The following WDR49 variants were observed in gnomAD, a reference collection of about 807,000 sequenced individuals.
The protein encoded by WDR49 is WD repeat domain 49.
Under a neutral mutation model 119.5 loss-of-function variants are expected in WDR49, and 107 were observed. That is an observed-to-expected ratio of 0.90 (90% CI 0.77 to 1.05). The LOEUF (loss-of-function observed/expected upper bound fraction) is 1.05, where lower values mean the gene tolerates loss of function less well. Among genes scored for constraint, WDR49 ranks in the 50% least tolerant of loss-of-function variants. The probability of loss-of-function intolerance (pLI) is 0.00; values close to 1 mark genes in which losing one functional copy is unlikely to be tolerated. For missense variants in WDR49, 1,240 were observed against 1,220.5 expected (o/e 1.02, Z -0.24); for synonymous variants, 425 against 418.8 (o/e 1.01, Z -0.18).
chr3:167,521,717 A>G (rs1752440352), intron 16 of WDR49, among the ~76,000 whole-genome samples: 1 of 152,176 alleles, frequency 6.6e-6, no homozygotes, highest in Non-Finnish European at 1.5e-5. Flanking sequence ...AAGTTAAGTT[A>G]TGAGAGCATG....
upstream of WDR49, among the ~76,000 whole-genome samples, chr3:167,654,963 A>G (rs886991857): frequency 6.6e-6 from 1 of 152,148 alleles, no homozygotes; most frequent in African/African-American, 2.4e-5. Context: ...CATACGGAAG[A>G]GAACAGAATG....
chr3:167,614,119 G>C (rs1410392916), intron 5 of WDR49, among the ~76,000 whole-genome samples: 1 of 152,036 alleles, frequency 6.6e-6, no homozygotes, highest in Non-Finnish European at 1.5e-5. Context: ...TCCCGCGATG[G>C]AGTCTCGCTC....
chr3:167,602,383 C>CCTACAGTTGACAT, intron 6 of WDR49, 108 bp from the exon 7 acceptor site: 3 of 1,024,180 alleles, frequency 2.9e-6, no homozygotes, highest in Non-Finnish European at 4.1e-6. Flanking sequence ...TGAATGTCAA[C>CCTACAGTTGACAT]TGTAGGTTGA....
chr3:167,588,555 A>C (rs147022332), intron 7 of WDR49, among the ~76,000 whole-genome samples: 2 of 152,162 alleles, frequency 1.3e-5, no homozygotes, highest in Non-Finnish European at 1.5e-5. Flanking sequence ...CCAACAATGC[A>C]TGAGAATACC....
Position 167,653,329 on chromosome 3 carries a change from A to G in WDR49, c.97T>C (p.Tyr33His). The G allele has an allele frequency of 6.5e-7, 1 of 1,536,188 alleles. No individual in the cohort carries two copies. Among genetic ancestry groups the G allele is most frequent in the Non-Finnish European group, 8.7e-7 (1 of 1,146,906 alleles). ...TGGTTTTCAAGCAGGCCTGTGCCAT[A>G]GTCTTCAAATGCAGTTACACCTTCT... ...RTEGVTAFED[Y>H]GTGLLENQLS... Residue 33 changes from tyrosine to histidine, a missense_variant, in exon 2 of 19, where the codon TAT (tyrosine) becomes CAT (histidine). Tyr to His is a moderately conservative substitution (Grantham distance 83, BLOSUM62 2). Coordinates refer to ENST00000682715, the MANE Select transcript of WDR49 (RefSeq NM_001366157.1).
chr3:167,620,715 T>A, intron 4 of WDR49, 112 bp from the exon 5 acceptor site: 1 of 1,061,652 alleles, frequency 9.4e-7, no homozygotes, highest in East Asian at 2.7e-5. Context: ...AAGAATTTCT[T>A]CAATATTATT....
chr3:167,521,777 G>A (rs1387602961), intron 16 of WDR49, among the ~76,000 whole-genome samples: 1 of 152,142 alleles, frequency 6.6e-6, no homozygotes, highest in Non-Finnish European at 1.5e-5. Flanking sequence ...TAACATGAGA[G>A]CATAAATGAA....
chr3:167,609,943 C>G (rs371541239), intron 5 of WDR49, among the ~76,000 whole-genome samples: 13 of 152,128 alleles, frequency 8.5e-5, no homozygotes, highest in African/African-American at 3.1e-4. Context: ...CAACCTGGGC[C>G]GGAAGGGAAC....
chr3:167,574,948 A>G (rs114209832), intron 8 of WDR49, among the ~76,000 whole-genome samples: 4,386 of 152,314 alleles, frequency 0.029, 120 homozygotes, highest in Admixed American at 0.065. Context: ...ATCTCCTAGA[A>G]TAACCAGAAA....
chr3:167,531,754 C>T (rs182666177), intron 12 of WDR49, among the ~76,000 whole-genome samples: 34 of 152,210 alleles, frequency 2.2e-4, no homozygotes, highest in African/African-American at 8.2e-4. Flanking sequence ...TCTAAGCATA[C>T]TTCAATTATC....
rs79848857 is a variant in WDR49 at position 167,575,015 on chromosome 3, C to A, written c.1509+903G>T. On this transcript the variant is annotated intron_variant, in intron 8 of 18. Coordinates refer to ENST00000682715, the MANE Select transcript of WDR49 (RefSeq NM_001366157.1). ...CCCATTACTAACAAAGGGCTTTCCA[C>A]CCCTTGCGCAAAATCTCCACTAGTC... 2,055 of 976,014 alleles carry A rather than the reference C, an allele frequency of 2.1e-3. 34 individuals carry two copies. In the African/African-American group the frequency reaches 0.034, roughly 16 times the overall value. The allele number at this position is 976,014 out of a possible 1,614,324, so 60.5% of individuals were successfully genotyped here. A position where few individuals can be genotyped will look rare whatever the true frequency, so the allele number is the denominator to read the frequency against.
chr3:167,559,687 C>A (rs1364599772), intron 9 of WDR49, among the ~76,000 whole-genome samples: 2 of 151,984 alleles, frequency 1.3e-5, no homozygotes, highest in African/African-American at 2.4e-5. Flanking sequence ...GTTAAGTGTT[C>A]CTGATTTCTC....
chr3:167,499,329 A>AC (rs1751474037), intron 18 of WDR49, among the ~76,000 whole-genome samples: 1 of 152,142 alleles, frequency 6.6e-6, no homozygotes, highest in African/African-American at 2.4e-5. Context: ...ATGATGTTGA[A>AC]CCCCAGCTCA....
At chr3:167,505,467 GA>G in intron 16 of WDR49, 51 bp from the exon 17 acceptor site, 1 of 1,447,810 alleles carries the variant, frequency 6.9e-7, no homozygotes, top group South Asian at 1.5e-5. Flanking sequence ...CAGGGATGGA[GA>G]AACTCTTTCT....
chr3:167,551,841 T>G (rs1266899370), intron 10 of WDR49, among the ~76,000 whole-genome samples: 1 of 151,828 alleles, frequency 6.6e-6, no homozygotes. Flanking sequence ...TCTAGTAAGC[T>G]CCAGGAATGC....
In WDR49 at chr3:167,552,173, TCC is replaced by T. The variant is rs34400697; in HGVS notation, c.1823+2475_1823+2476del. Reference sequence around the variant, plus strand: ...TGAAACTAGAAAATAAAAGAATATGTCCAGGTCAGAGGGAGCTTAGACACTCT... The same window carrying T: ...TGAAACTAGAAAATAAAAGAATATGTAGGTCAGAGGGAGCTTAGACACTCT... On this transcript the variant is annotated intron_variant, in intron 10 of 18. Coordinates refer to ENST00000682715, the MANE Select transcript of WDR49 (RefSeq NM_001366157.1). 2.2e-3 allele frequency among the ~76,000 whole-genome samples: 331 copies of T among 152,098 alleles called. 11 individuals are homozygous for T. In the East Asian group the frequency reaches 0.047, roughly 22 times the overall value.
chr3:167,604,236 C>A, intron 6 of WDR49, 65 bp downstream of exon 6: 2 of 1,558,614 alleles, frequency 1.3e-6, no homozygotes, highest in Admixed American at 1.8e-5. Context: ...AGGCTCCATG[C>A]ATACAAATAT....
intron 3 of WDR49, among the ~76,000 whole-genome samples, chr3:167,626,473 A>AATGAAGAC (rs1717131668): frequency 6.6e-6 from 1 of 152,064 alleles, no homozygotes; most frequent in African/African-American, 2.4e-5. Context: ...TATCTATTAG[A>AATGAAGAC]ATGAAGACAC....
intron 16 of WDR49, among the ~76,000 whole-genome samples, chr3:167,509,302 T>C (rs1334799927): frequency 3.3e-5 from 5 of 152,152 alleles, no homozygotes; most frequent in African/African-American, 4.8e-5. Context: ...ACATTAAGAA[T>C]AGTTCAATAA....
Sources: allele counts gnomAD v4.1 joint callset (sites outside exome capture counted in the v4.1 genomes callset), GRCh38; gene constraint gnomAD v4.1.1; transcripts MANE v1.5; gene names NCBI Gene and HGNC (gene_info 2026-07-23, HGNC 2026-07-21).